Variants in CALN1 observed in about 807,000 individuals in gnomAD.
CALN1 encodes calcium-binding protein 8.
Under a neutral mutation model 30.6 loss-of-function variants are expected in CALN1, and 17 were observed. That is an observed-to-expected ratio of 0.56 (90% CI 0.38 to 0.83). The LOEUF is 0.83. CALN1 is among the 40% of genes least tolerant of loss of function. CALN1 has a pLI of 0.00. For synonymous variants in CALN1, 156 were observed against 131.4 expected (o/e 1.19, Z -1.28); for missense variants, 291 against 354.9 (o/e 0.82, Z 1.45).
chr7:72,503,308 A>G, the CALN1 span, among the ~76,000 whole-genome samples: 5 of 151,556 alleles, frequency 3.3e-5, no homozygotes, highest in Non-Finnish European at 1.5e-5. Flanking sequence ...CCTTCATCCA[A>G]TGTTCCTAAG....
intron 5 of CALN1, among the ~76,000 whole-genome samples, chr7:71,935,877 T>C (rs768238307): frequency 1.3e-5 from 2 of 152,208 alleles, no homozygotes; most frequent in Non-Finnish European, 2.9e-5. Flanking sequence ...AAATGCAATC[T>C]ACAGGTTACA....
chr7:72,280,882 C>A (rs988944866), intron 2 of CALN1, among the ~76,000 whole-genome samples: 1 of 152,120 alleles, frequency 6.6e-6, no homozygotes, highest in African/African-American at 2.4e-5. Context: ...GTGGCTCACA[C>A]CTGTAATCCC....
At chr7:72,311,299 T>A (rs1373601126) in intron 2 of CALN1, among the ~76,000 whole-genome samples, 1 of 152,188 alleles carries the variant, frequency 6.6e-6, no homozygotes, top group African/African-American at 2.4e-5. Flanking sequence ...ATATAATATA[T>A]CAAATACACA....
intron 3 of CALN1, among the ~76,000 whole-genome samples, chr7:72,270,034 G>T (rs1796868229): frequency 6.6e-6 from 1 of 151,862 alleles, no homozygotes; most frequent in African/African-American, 2.4e-5. Flanking sequence ...CAAAGAAATG[G>T]GAACTATAAA....
chr7:72,430,019 C>T (rs1441484228), intron 1 of CALN1, among the ~76,000 whole-genome samples: 1 of 150,924 alleles, frequency 6.6e-6, no homozygotes, highest in African/African-American at 2.4e-5. Flanking sequence ...CAGGGTTTCA[C>T]CTTGTTGGCC....
chr7:72,107,814 T>C (rs1300678707), intron 3 of CALN1, among the ~76,000 whole-genome samples: 4 of 151,982 alleles, frequency 2.6e-5, no homozygotes, highest in Admixed American at 2.6e-4. Context: ...TACGGAAAAA[T>C]AAAAATGATC....
chr7:71,917,209 T>C (rs1337124903), intron 5 of CALN1, among the ~76,000 whole-genome samples: 6 of 152,086 alleles, frequency 3.9e-5, no homozygotes, highest in African/African-American at 1.2e-4. Context: ...GGAAATGCCA[T>C]CAAAGGCTGA....
chr7:72,457,004 C>CTTTTTTTTTTTTTTTTTTTTT, the CALN1 span, among the ~76,000 whole-genome samples: 2 of 106,606 alleles, frequency 1.9e-5, no homozygotes, highest in African/African-American at 3.7e-5. Context: ...TTCTTTCTTT[C>CTTTTTTTTTTTTTTTTTTTTT]TTTTTTTTTT....
intron 4 of CALN1, among the ~76,000 whole-genome samples, chr7:72,035,479 G>A (rs565659952): frequency 6.6e-6 from 1 of 152,212 alleles, no homozygotes; most frequent in African/African-American, 2.4e-5. Context: ...ACTTACTTCT[G>A]TCATTTTCCT....
Position 72,111,342 on chromosome 7 carries a change from C to T in CALN1, c.245-5048G>A, listed in dbSNP as rs143679913. ...CGCCCAGAATCAAAGTTGGCGTTCC[C>T]ACAGGGATCTGAGCCCCTCCTCCCT... On this transcript the variant is annotated intron_variant, in intron 3 of 6. Transcript: ENST00000395275. 4.2e-3 allele frequency among the ~76,000 whole-genome samples: 642 copies of T among 152,324 alleles called. 5 individuals are homozygous for T. Among genetic ancestry groups the T allele is most frequent in the African/African-American group, 0.014 (584 of 41,562 alleles).
At chr7:72,292,538 T>C (rs1205967659) in intron 2 of CALN1, among the ~76,000 whole-genome samples, 1 of 150,618 alleles carries the variant, frequency 6.6e-6, no homozygotes, top group East Asian at 2.0e-4. Flanking sequence ...TTTCAACATA[T>C]AGTCAGGTGC....
chr7:71,955,045 G>C (rs1043536155), intron 5 of CALN1, among the ~76,000 whole-genome samples: 7 of 152,122 alleles, frequency 4.6e-5, no homozygotes, highest in African/African-American at 1.7e-4. Flanking sequence ...CCCAAGTCTG[G>C]GTAATTTGTA....
At chr7:72,462,182 T>TATGTATGTATGTATGTATGTATGTATG in the CALN1 span, among the ~76,000 whole-genome samples, 1 of 148,768 alleles carries the variant, frequency 6.7e-6, no homozygotes, top group African/African-American at 2.5e-5. Flanking sequence ...ATGTATGTAT[T>TATGTATGTATGTATGTATGTATGTATG]TATTTATTTA....
At chr7:72,150,462 G>A (rs1232178623) in intron 3 of CALN1, among the ~76,000 whole-genome samples, 1 of 152,158 alleles carries the variant, frequency 6.6e-6, no homozygotes, top group Non-Finnish European at 1.5e-5. Flanking sequence ...AAAAAACACT[G>A]ATAAAGCAGG....
chr7:72,387,117 C>T (rs1488244909), intron 2 of CALN1, among the ~76,000 whole-genome samples: 1 of 146,210 alleles, frequency 6.8e-6, no homozygotes, highest in African/African-American at 2.5e-5. Context: ...AAAATTTGTA[C>T]TGGATCATAA....
chr7:72,039,421 C>T (rs1801992307), intron 4 of CALN1, among the ~76,000 whole-genome samples: 1 of 152,206 alleles, frequency 6.6e-6, no homozygotes, highest in Non-Finnish European at 1.5e-5. Context: ...GAGTACTGGG[C>T]TGGTCCCATT....
At chr7:72,499,810 CTTCCTTCCTTCCTTCCTTCT>C in the CALN1 span, among the ~76,000 whole-genome samples, 1 of 56,930 alleles carries the variant, frequency 1.8e-5, no homozygotes, top group African/African-American at 9.8e-5. Flanking sequence ...TCCTTCCTTC[CTTCCTTCCTTCCTTCCTTCT>C]TTCTTTCTTT....
chr7:72,367,840 A>AAT (rs1803965656), intron 2 of CALN1, among the ~76,000 whole-genome samples: 1 of 151,990 alleles, frequency 6.6e-6, no homozygotes, highest in African/African-American at 2.4e-5. Context: ...GTCTGTTAAA[A>AAT]ATATATATAT....
intron 2 of CALN1, among the ~76,000 whole-genome samples, chr7:72,333,341 G>A (rs953276611): frequency 6.6e-6 from 1 of 152,120 alleles, no homozygotes; most frequent in African/African-American, 2.4e-5. Context: ...CACATAATAG[G>A]CACTGAATAA....
Sources: allele counts gnomAD v4.1 joint callset (sites outside exome capture counted in the v4.1 genomes callset), GRCh38; gene constraint gnomAD v4.1.1; transcripts MANE v1.5; gene names NCBI Gene and HGNC (gene_info 2026-07-23, HGNC 2026-07-21).